Variants in DKK2 observed in about 807,000 individuals in gnomAD.
DKK2 encodes dickkopf Wnt signaling pathway inhibitor 2.
DKK2 carries 11 observed loss-of-function variants against 28.1 expected under a neutral mutation model. That is an observed-to-expected ratio of 0.39 (90% confidence interval 0.25 to 0.65). The LOEUF (loss-of-function observed/expected upper bound fraction) is 0.65. Ranked by LOEUF, DKK2 falls within the 30% of genes least tolerant of loss-of-function variation. DKK2 has a pLI of 0.47. For missense variants in DKK2, 326 were observed against 335.5 expected (o/e 0.97, Z 0.22); for synonymous variants, 135 against 126.5 (o/e 1.07, Z -0.45).
Position 107,035,597 on chromosome 4 carries a change from G to C in DKK2, c.-6C>G, listed in dbSNP as rs761241237. ...CTCCGCATCAACGCGGCCATCTCCC[G>C]GCGAGGGGGTCCCCAGGAAGACGCA... is the stretch of plus-strand genomic sequence containing the variant. On this transcript the variant is annotated 5_prime_UTR_variant, in exon 1 of 4. Transcript: ENST00000285311. The C allele has an allele frequency of 1.2e-6, 2 of 1,613,478 alleles. No individual in the cohort carries two copies. The highest frequency in any genetic ancestry group is 4.5e-5 in the East Asian group (2 of 44,880).
chr4:106,943,928 G>A (rs1291302227), intron 1 of DKK2, among the ~76,000 whole-genome samples: 1 of 152,138 alleles, frequency 6.6e-6, no homozygotes, highest in African/African-American at 2.4e-5. Context: ...AGATGGCACT[G>A]GTGACACTTC....
chr4:107,010,740 T>G (rs1200087970), intron 1 of DKK2, among the ~76,000 whole-genome samples: 1 of 151,554 alleles, frequency 6.6e-6, no homozygotes, highest in Non-Finnish European at 1.5e-5. Flanking sequence ...GTTCTCAAGC[T>G]ATTGATCTAA....
chr4:106,972,063 G>T (rs1029201417), intron 1 of DKK2, among the ~76,000 whole-genome samples: 4 of 152,138 alleles, frequency 2.6e-5, no homozygotes, highest in African/African-American at 9.7e-5. Flanking sequence ...CCTCAGGCCA[G>T]TAATGCTGTA....
Position 106,976,759 on chromosome 4 carries a change from G to A in DKK2, c.223-50810C>T, listed in dbSNP as rs1041279427. ...TTACATTTAAGGTTAATATTGTTAT[G>A]TGTAAATTTGATTCTGTCATGATGA... On this transcript the variant is annotated intron_variant, in intron 1 of 3. Coordinates refer to ENST00000285311, the MANE Select transcript of DKK2 (RefSeq NM_014421.3). Among the ~76,000 whole-genome samples the A allele has an allele frequency of 5.9e-5, 9 of 152,276 alleles. 1 individual carries two copies. Among genetic ancestry groups the A allele is most frequent in the Admixed American group, 5.9e-4 (9 of 15,298 alleles).
chr4:106,955,886 C>G (rs1163181079), intron 1 of DKK2, among the ~76,000 whole-genome samples: 4 of 152,178 alleles, frequency 2.6e-5, no homozygotes, highest in South Asian at 2.1e-4. Flanking sequence ...TGCACTCCAG[C>G]TTAGAAACAA....
chr4:106,937,126 T>C (rs1724602169), intron 1 of DKK2, among the ~76,000 whole-genome samples: 1 of 151,044 alleles, frequency 6.6e-6, no homozygotes, highest in South Asian at 2.1e-4. Flanking sequence ...ATATTAACTT[T>C]AAATGTAAAT....
chr4:107,010,095 C>T (rs947938965), intron 1 of DKK2, among the ~76,000 whole-genome samples: 2 of 151,624 alleles, frequency 1.3e-5, no homozygotes, highest in Admixed American at 6.6e-5. Flanking sequence ...TGGGTTTTTT[C>T]CTTTCACGTA....
chr4:107,031,741 G>T (rs1440338949), intron 1 of DKK2, among the ~76,000 whole-genome samples: 1 of 151,954 alleles, frequency 6.6e-6, no homozygotes, highest in Non-Finnish European at 1.5e-5. Flanking sequence ...AAGACAAAAC[G>T]AGAAGAATAA....
intron 1 of DKK2, among the ~76,000 whole-genome samples, chr4:107,013,973 CA>C (rs1723554389): frequency 6.6e-6 from 1 of 151,306 alleles, no homozygotes; most frequent in Non-Finnish European, 1.5e-5. Context: ...TGGCTACTAT[CA>C]AAAAGACAAA....
intron 1 of DKK2, among the ~76,000 whole-genome samples, chr4:106,938,166 T>C (rs1228840040): frequency 2.4e-4 from 36 of 146,966 alleles, no homozygotes; most frequent in Admixed American, 1.8e-3. Flanking sequence ...TTCAAAAAAT[T>C]AATGAATCCA....
chr4:107,024,548 T>C (rs1008311813), intron 1 of DKK2, among the ~76,000 whole-genome samples: 2 of 152,202 alleles, frequency 1.3e-5, no homozygotes, highest in Non-Finnish European at 2.9e-5. Context: ...AATTCATGAT[T>C]CCAAAATTAT....
At chr4:107,024,795 T>A (rs1380209995) in intron 1 of DKK2, among the ~76,000 whole-genome samples, 1 of 152,196 alleles carries the variant, frequency 6.6e-6, no homozygotes, top group Non-Finnish European at 1.5e-5. Flanking sequence ...GTCGTGCATA[T>A]TTTTAAAAAA....
In DKK2 at chr4:106,949,253, A is replaced by C. The variant is rs1202407841; in HGVS notation, c.223-23304T>G. ...ATCTTCTTTCTTCCTTTGATGTCTG[A>C]GATTTTCTTCTTTATGCAATGACAC... On this transcript the variant is annotated intron_variant, in intron 1 of 3. Coordinates refer to ENST00000285311, the MANE Select transcript of DKK2 (RefSeq NM_014421.3). Among the ~76,000 whole-genome samples the C allele has an allele frequency of 7.2e-5, 11 of 152,200 alleles. No individual in the cohort carries two copies. In the East Asian group the frequency reaches 2.1e-3, roughly 29 times the overall value.
At chr4:106,928,276 T>C (rs1324980913) in intron 1 of DKK2, among the ~76,000 whole-genome samples, 1 of 152,154 alleles carries the variant, frequency 6.6e-6, no homozygotes, top group Non-Finnish European at 1.5e-5. Context: ...AAATAGAAAG[T>C]ATATTAGAAA....
At chr4:106,995,571 A>G (rs1022137754) in intron 1 of DKK2, among the ~76,000 whole-genome samples, 2 of 152,202 alleles carry the variant, frequency 1.3e-5, no homozygotes, top group African/African-American at 4.8e-5. Flanking sequence ...TAATTTTCAT[A>G]TGCAGAATGA....
At chr4:106,926,641 C>T (rs1470913755) in intron 1 of DKK2, among the ~76,000 whole-genome samples, 2 of 152,154 alleles carry the variant, frequency 1.3e-5, no homozygotes, top group Non-Finnish European at 2.9e-5. Context: ...AGCACAAAAG[C>T]AGACTCCTTA....
intron 1 of DKK2, among the ~76,000 whole-genome samples, chr4:106,975,972 T>A (rs1722938794): frequency 6.6e-6 from 1 of 152,206 alleles, no homozygotes; most frequent in South Asian, 2.1e-4. Flanking sequence ...AGAACTTATT[T>A]ATTTCTGCCT....
At chr4:106,972,690 T>C (rs1722885478) in intron 1 of DKK2, among the ~76,000 whole-genome samples, 1 of 152,098 alleles carries the variant, frequency 6.6e-6, no homozygotes, top group Non-Finnish European at 1.5e-5. Context: ...CTTTAGGCCA[T>C]GAGTACCAAT....
In DKK2 at chr4:107,035,516, A is replaced by G. The variant is rs552274432; in HGVS notation, c.76T>C (p.Ser26Pro). ...LLAAVLMVES[S>P]QIGSSRAKLN... is the part of the protein sequence containing the mutation. ...TTGGCCCGCGAACTGCCGATCTGTG[A>G]GCTCTCCACCATCAGCACCGCGGCC... Residue 26 changes from serine (S) to proline (P), a missense_variant, in exon 1 of 4, where the codon TCA becomes CCA. Coordinates refer to ENST00000285311, the MANE Select transcript of DKK2 (RefSeq NM_014421.3). 2 of 1,614,136 alleles carry G rather than the reference A, an allele frequency of 1.2e-6. No individual in the cohort carries two copies. The highest frequency in any genetic ancestry group is 1.7e-6 in the Non-Finnish European group (2 of 1,180,042).
Sources: gnomAD v4.1 joint callset for allele counts (sites outside exome capture counted in the v4.1 genomes callset) on GRCh38, gnomAD v4.1.1 for gene constraint, MANE v1.5 for transcripts, NCBI Gene and HGNC (gene_info 2026-07-23, HGNC 2026-07-21) for gene names.